The following C8orf89 variants were observed in gnomAD, a reference collection of about 807,000 sequenced individuals.
C8orf89 encodes putative uncharacterized protein C8orf89.
In C8orf89, 14 loss-of-function variants were observed where a neutral mutation model predicts 15.8. That is an observed-to-expected ratio of 0.89 (90% confidence interval 0.59 to 1.39). The LOEUF (loss-of-function observed/expected upper bound fraction) is 1.39. Among genes scored for constraint, C8orf89 ranks in the 40% most tolerant of loss-of-function variants. C8orf89 has a pLI of 0.00. For synonymous variants in C8orf89, 55 were observed against 62.2 expected (o/e 0.88, Z 0.54); for missense variants, 181 against 184.5 (o/e 0.98, Z 0.11).
chr8:73,256,571 T>C (rs925330418), intron 2 of C8orf89, among the ~76,000 whole-genome samples: 1 of 151,354 alleles, frequency 6.6e-6, no homozygotes, highest in Admixed American at 6.6e-5. Flanking sequence ...CTACTAAAAA[T>C]ACAAAAATTA....
rs145078664 is a variant in C8orf89, at chr8:73,258,473, A to T, written c.127+859T>A. On this transcript the variant is annotated intron_variant, in intron 1 of 3. Transcript: ENST00000624510. ...AATAAAGATGGAAGCAGAATTCAGA[A>T]TAAACAAGAAATATAATTAACTTGA... is the stretch of plus-strand genomic sequence containing the variant. Among the ~76,000 whole-genome samples the T allele has an allele frequency of 1.2e-3, 186 of 152,114 alleles. 1 individual carries two copies. Among genetic ancestry groups the T allele is most frequent in the African/African-American group, 4.2e-3 (175 of 41,498 alleles).
At chr8:73,276,828 T>TTTTTTGG in the C8orf89 span, among the ~76,000 whole-genome samples, 1 of 144,870 alleles carries the variant, frequency 6.9e-6, no homozygotes, top group Non-Finnish European at 1.5e-5. Flanking sequence ...TTTTTTTTTT[T>TTTTTTGG]GAGAGGGAGT....
the C8orf89 span, among the ~76,000 whole-genome samples, chr8:73,272,174 G>A: frequency 6.6e-6 from 1 of 151,924 alleles, no homozygotes; most frequent in South Asian, 2.1e-4. Context: ...TTTACCACTG[G>A]CAATTCAATT....
upstream of C8orf89, among the ~76,000 whole-genome samples, chr8:73,263,215 A>T (rs1563535222): frequency 6.6e-6 from 1 of 152,208 alleles, no homozygotes; most frequent in African/African-American, 2.4e-5. Flanking sequence ...GTATTTAAAC[A>T]TTTTAAAAAT....
the C8orf89 span, among the ~76,000 whole-genome samples, chr8:73,268,097 A>T: frequency 6.6e-6 from 1 of 152,248 alleles, no homozygotes; most frequent in Non-Finnish European, 1.5e-5. Flanking sequence ...TGAGACAAAT[A>T]AACTGTTTCT....
chr8:73,241,473 TCTCGTTTCTTG>T lies in C8orf89; in HGVS notation c.459_469del (p.Ser153ArgfsTer20). ...CGACATTTTTCAGCGGTCTCGGAGGTCTCGTTTCTTGCTTTTTTTTGATTTTGTGGTTGTTT... is the reference window on the plus strand; with the variant it reads ...CGACATTTTTCAGCGGTCTCGGAGGTCTTTTTTTTGATTTTGTGGTTGTTT... On this transcript the variant is annotated frameshift_variant, in exon 4 of 4. Coordinates refer to ENST00000624510, the MANE Select transcript of C8orf89 (RefSeq NM_001243237.3). LOFTEE classifies it high-confidence loss of function. The T allele has an allele frequency of 3.9e-6, 6 of 1,529,642 alleles. No homozygotes were observed. Among genetic ancestry groups the T allele is most frequent in the Non-Finnish European group, 4.4e-6 (5 of 1,143,218 alleles). The allele number at this position is 1,529,642 out of a possible 1,614,324, so 94.8% of individuals were successfully genotyped here.
At chr8:73,277,877 A>G in the C8orf89 span, 1 of 694,976 alleles carries the variant, frequency 1.4e-6, no homozygotes, top group East Asian at 3.1e-5. Flanking sequence ...TTCCTTCTCC[A>G]GCATTTTCAG....
At chr8:73,276,805 ATTTTT>A in the C8orf89 span, among the ~76,000 whole-genome samples, 3,211 of 87,574 alleles carry the variant, frequency 0.037, 114 homozygotes, top group African/African-American at 0.13. Flanking sequence ...CACAGCAGTC[ATTTTT>A]TTTTTTTTTT....
upstream of C8orf89, among the ~76,000 whole-genome samples, chr8:73,264,191 G>T (rs902661083): frequency 5.3e-5 from 8 of 152,016 alleles, no homozygotes; most frequent in African/African-American, 1.7e-4. Context: ...CAAAAAACAT[G>T]GTACTAAATA....
chr8:73,266,161 GAGAAC>G, the C8orf89 span, among the ~76,000 whole-genome samples: 1 of 152,138 alleles, frequency 6.6e-6, no homozygotes, highest in Non-Finnish European at 1.5e-5. Context: ...CATTCATCTG[GAGAAC>G]AGAAAAGAAA....
At chr8:73,260,026 C>T (rs1233379166), upstream of C8orf89, among the ~76,000 whole-genome samples, 2 of 152,182 alleles carry the variant, frequency 1.3e-5, no homozygotes, top group Admixed American at 6.5e-5. Context: ...TTTCCAGGAT[C>T]CTTGCTGGGC....
At chr8:73,273,522 G>A in the C8orf89 span, among the ~76,000 whole-genome samples, 2 of 152,228 alleles carry the variant, frequency 1.3e-5, no homozygotes, top group African/African-American at 4.8e-5. Flanking sequence ...GGAGGCCGAG[G>A]TGGGGCTGAG....
chr8:73,277,568 A>G, the C8orf89 span: 1 of 762,782 alleles, frequency 1.3e-6, no homozygotes, highest in Non-Finnish European at 2.4e-6. Flanking sequence ...GCTCAGAAGT[A>G]CCACACTCCC....
upstream of C8orf89, among the ~76,000 whole-genome samples, chr8:73,262,933 T>G (rs896797395): frequency 1.3e-5 from 2 of 152,166 alleles, no homozygotes; most frequent in Admixed American, 6.6e-5. Context: ...ATGTTTCCTG[T>G]AAACACGGTC....
At chr8:73,253,004 G>T (rs1305462077) in intron 2 of C8orf89, among the ~76,000 whole-genome samples, 1 of 152,290 alleles carries the variant, frequency 6.6e-6, no homozygotes, top group South Asian at 2.1e-4. Context: ...TTAGCCGGGC[G>T]TGGTGGCGGG....
At chr8:73,252,187 C>G (rs934821186) in intron 2 of C8orf89, among the ~76,000 whole-genome samples, 2 of 152,104 alleles carry the variant, frequency 1.3e-5, no homozygotes, top group Non-Finnish European at 2.9e-5. Flanking sequence ...AAAATGATGA[C>G]AAAAGCTATA....
the C8orf89 span, chr8:73,277,879 C>A: frequency 1.2e-5 from 8 of 694,266 alleles, no homozygotes; most frequent in Admixed American, 1.1e-4. Flanking sequence ...CCTTCTCCAG[C>A]ATTTTCAGGT....
At chr8:73,265,420 G>A in the C8orf89 span, among the ~76,000 whole-genome samples, 1 of 152,160 alleles carries the variant, frequency 6.6e-6, no homozygotes, top group Non-Finnish European at 1.5e-5. Flanking sequence ...TGGGTTAAAA[G>A]CAAATCTCTG....
chr8:73,250,364 T>C (rs1458569576), intron 2 of C8orf89, 41 bp from the exon 3 acceptor site: 11 of 1,185,342 alleles, frequency 9.3e-6, no homozygotes, highest in African/African-American at 1.5e-5. Flanking sequence ...TACATATAAA[T>C]TCAGGGCACA....
Sources: gnomAD v4.1 joint callset for allele counts (sites outside exome capture counted in the v4.1 genomes callset) on GRCh38, gnomAD v4.1.1 for gene constraint, MANE v1.5 for transcripts, NCBI Gene and HGNC (gene_info 2026-07-23, HGNC 2026-07-21) for gene names.